The following WDFY4 variants were observed in gnomAD, a reference collection of about 807,000 sequenced individuals.
WDFY4 encodes the protein WD repeat- and FYVE domain-containing protein 4.
Under a neutral mutation model 351.9 loss-of-function variants are expected in WDFY4, and 169 were observed. The observed-to-expected ratio is 0.48, with a 90% CI of 0.42 to 0.55. WDFY4 has a LOEUF of 0.55. WDFY4 is among the 20% of genes least tolerant of loss of function. The pLI, the probability that WDFY4 is intolerant of heterozygous loss-of-function variation, is 0.00. For synonymous variants in WDFY4, 1,622 were observed against 1,574.6 expected (o/e 1.03, Z -0.71); for missense variants, 3,803 against 3,935.6 (o/e 0.97, Z 0.90).
intron 19 of WDFY4, among the ~76,000 whole-genome samples, chr10:48,783,774 C>A (rs2066304407): frequency 6.6e-6 from 1 of 152,164 alleles, no homozygotes; most frequent in Non-Finnish European, 1.5e-5. Context: ...GCTTATTGCT[C>A]CTAGGCTATA....
At chr10:48,808,399 A>G (rs1351449208) in intron 28 of WDFY4, among the ~76,000 whole-genome samples, 1 of 152,212 alleles carries the variant, frequency 6.6e-6, no homozygotes, top group Non-Finnish European at 1.5e-5. Context: ...AAGTTGGAAA[A>G]AGAAGTATCT....
intron 1 of WDFY4, among the ~76,000 whole-genome samples, chr10:48,686,046 G>C (rs192266466): frequency 2.2e-3 from 341 of 152,218 alleles, no homozygotes; most frequent in Non-Finnish European, 3.8e-3. Context: ...TGGTGTGGCA[G>C]AGCCGGGTAA....
chr10:48,887,234 G>T (rs535181529), intron 43 of WDFY4, among the ~76,000 whole-genome samples: 1 of 152,210 alleles, frequency 6.6e-6, no homozygotes, highest in Non-Finnish European at 1.5e-5. Context: ...AGGAGAGAGG[G>T]TTTGGAGGCA....
intron 39 of WDFY4, among the ~76,000 whole-genome samples, chr10:48,859,062 G>A (rs2620893): frequency 0.56 from 85,258 of 151,876 alleles, 25,196 homozygotes; most frequent in African/African-American, 0.75. Context: ...TCCTGTGACC[G>A]CATTTTTTTT....
At chr10:48,735,856 C>T in intron 10 of WDFY4, 24 bp from the exon 11 acceptor site, 1 of 1,545,576 alleles carries the variant, frequency 6.5e-7, no homozygotes. Flanking sequence ...TGCCCTAGCC[C>T]CATTCTGTCT....
chr10:48,777,568 A>G, intron 17 of WDFY4, 73 bp downstream of exon 17: 1 of 1,385,230 alleles, frequency 7.2e-7, no homozygotes, highest in Non-Finnish European at 1.0e-6. Flanking sequence ...CCTTGATTGC[A>G]GATTTTTACT....
chr10:48,823,229 GA>G, intron 35 of WDFY4: 1 of 1,303,438 alleles, frequency 7.7e-7, no homozygotes, highest in Non-Finnish European at 1.0e-6. Context: ...AAGCCTCCAG[GA>G]AACCTTTGCT....
At chr10:48,889,050 T>C (rs1249684649) in intron 43 of WDFY4, among the ~76,000 whole-genome samples, 3 of 152,206 alleles carry the variant, frequency 2.0e-5, no homozygotes, top group Non-Finnish European at 4.4e-5. Flanking sequence ...AACTGCTGAA[T>C]AGATGACCAC....
chr10:48,787,724 A>T (rs1269285671), intron 20 of WDFY4, among the ~76,000 whole-genome samples: 1 of 152,098 alleles, frequency 6.6e-6, no homozygotes, highest in Non-Finnish European at 1.5e-5. Context: ...CCTGGAGTGC[A>T]TCTATTTCAT....
intron 51 of WDFY4, among the ~76,000 whole-genome samples, chr10:48,952,910 A>T (rs752775879): frequency 2.6e-5 from 4 of 152,200 alleles, no homozygotes; most frequent in Non-Finnish European, 4.4e-5. Flanking sequence ...GCAGAGGCTC[A>T]GAGAATGCTG....
At position 48,863,785 on chromosome 10, in the gene WDFY4, G is replaced by A. The variant is rs538535686; in HGVS notation, c.6664-3480G>A. Among the ~76,000 whole-genome samples the A allele has an allele frequency of 1.5e-3, 230 of 152,278 alleles. 1 individual carries two copies. Among genetic ancestry groups the A allele is most frequent in the African/African-American group, 5.2e-3 (214 of 41,548 alleles). Reference sequence around the variant, plus strand: ...ACTGGGTAATTTATAAAGAAAAGAGGTTTAATTGACTCACAGTTTGGCATG... The same window carrying A: ...ACTGGGTAATTTATAAAGAAAAGAGATTTAATTGACTCACAGTTTGGCATG... On this transcript the variant is annotated intron_variant, in intron 39 of 61. Transcript: ENST00000325239.
intron 1 of WDFY4, among the ~76,000 whole-genome samples, chr10:48,707,840 T>C (rs2063671933): frequency 6.6e-6 from 1 of 151,726 alleles, no homozygotes; most frequent in South Asian, 2.1e-4. Flanking sequence ...GATAAAGAAA[T>C]AAATGAACAC....
chr10:48,802,746 C>T (rs550222645), intron 24 of WDFY4: 25 of 471,410 alleles, frequency 5.3e-5, no homozygotes, highest in African/African-American at 4.4e-4. Context: ...TGAGATGACA[C>T]TGTGGTTTGG....
chr10:48,854,296 A>T (rs948686621), intron 39 of WDFY4, among the ~76,000 whole-genome samples: 3 of 152,034 alleles, frequency 2.0e-5, no homozygotes, highest in South Asian at 4.1e-4. Context: ...TTTTGTAGAG[A>T]TGGGGTTTTG....
rs556315373 is a variant in WDFY4 at position 48,719,973 on chromosome 10, C to T, written c.235-38C>T. ...GGCAGTGCTCATGCCCTGCTTGTGGCATTGCTATCTCTGACCAAGTCCCAT... is the reference window on the plus strand; with the variant it reads ...GGCAGTGCTCATGCCCTGCTTGTGGTATTGCTATCTCTGACCAAGTCCCAT... On this transcript the variant is annotated intron_variant, in intron 2 of 61. Coordinates refer to ENST00000325239, the MANE Select transcript of WDFY4 (RefSeq NM_001394531.1). 1.2e-5 allele frequency: 18 copies of T among 1,531,752 alleles called. No individual in the cohort carries two copies. The South Asian group carries it at 1.9e-4, about 16-fold the overall frequency. The allele number at this position is 1,531,752 out of a possible 1,614,324, so 94.9% of individuals were successfully genotyped here. A position where few individuals can be genotyped will look rare whatever the true frequency, so the allele number is the denominator to read the frequency against.
chr10:48,776,802 T>A lies in WDFY4; in HGVS notation c.2916T>A (p.Asp972Glu). Residue 972 changes from aspartate (D) to glutamate (E), a missense_variant, in exon 16 of 62, where the codon GAT (aspartate) becomes GAA (glutamate). Around this residue, in one of 3 missense-constraint regions of WDFY4, gnomAD observed 3,054 missense variants for 3,148.6 expected, o/e 0.97. Coordinates refer to ENST00000325239, the MANE Select transcript of WDFY4 (RefSeq NM_001394531.1). ...AGGGGCCCTGGCCAGCTGCCCCAGA[T>A]GCTGGGCTGCACCCTGGAGTCACAC... The part of the protein sequence containing the change: ...LAEGPWPAAP[D>E]AGLHPGVTQA... 1 of 1,551,380 alleles carries A rather than the reference T, an allele frequency of 6.4e-7. No homozygotes were observed. The highest frequency in any genetic ancestry group is 8.7e-7 in the Non-Finnish European group (1 of 1,146,964).
At position 48,778,587 on chromosome 10, in the gene WDFY4, G is replaced by A. The variant is rs1194665081; in HGVS notation, c.3176-24G>A. On this transcript the variant is annotated intron_variant, in intron 17 of 61. Coordinates refer to ENST00000325239, the MANE Select transcript of WDFY4 (RefSeq NM_001394531.1). ...CTCAGCAGGGCAGAACAAAGCCTGAGGGCATGCCTGTGTTCCCACCCAGGT... is the reference window on the plus strand; with the variant it reads ...CTCAGCAGGGCAGAACAAAGCCTGAAGGCATGCCTGTGTTCCCACCCAGGT... The A allele has an allele frequency of 6.0e-5, 93 of 1,546,760 alleles. 1 individual carries two copies. The highest frequency in any genetic ancestry group is 2.6e-6 in the Non-Finnish European group (3 of 1,145,074).
chr10:48,966,419 C>T (rs1472615365), intron 54 of WDFY4, 107 bp from the exon 55 acceptor site: 10 of 1,263,660 alleles, frequency 7.9e-6, no homozygotes, highest in East Asian at 2.7e-5. Context: ...AGGAACAAGC[C>T]GAGCTGTGGC....
intron 42 of WDFY4, 69 bp from the exon 43 acceptor site, chr10:48,876,964 G>A: frequency 5.0e-6 from 7 of 1,394,674 alleles, no homozygotes; most frequent in Non-Finnish European, 6.6e-6. Flanking sequence ...GTAGGCACAT[G>A]CTGTGCACCG....
Sources: allele counts gnomAD v4.1 joint callset (sites outside exome capture counted in the v4.1 genomes callset), GRCh38; gene constraint gnomAD v4.1.1; regional missense constraint gnomAD v4.1.1; transcripts MANE v1.5; gene names NCBI Gene and HGNC (gene_info 2026-07-23, HGNC 2026-07-21).